Variants in FGGY observed in about 807,000 individuals in gnomAD.
FGGY encodes FGGY carbohydrate kinase domain-containing protein.
Under a neutral mutation model 71.3 loss-of-function variants are expected in FGGY, and 72 were observed. The observed-to-expected ratio is 1.01, with a 90% confidence interval of 0.84 to 1.23. The LOEUF (loss-of-function observed/expected upper bound fraction) is 1.23. Among genes scored for constraint, FGGY ranks in the 50% most tolerant of loss-of-function variants. The probability of loss-of-function intolerance (pLI) is 0.00; values close to 1 mark genes in which losing one functional copy is unlikely to be tolerated. For missense variants in FGGY, 668 were observed against 682.3 expected (o/e 0.98, Z 0.23); for synonymous variants, 251 against 250.3 (o/e 1.00, Z -0.02).
At chr1:59,430,806 T>C (rs1029678689) in intron 5 of FGGY, among the ~76,000 whole-genome samples, 3 of 152,174 alleles carry the variant, frequency 2.0e-5, no homozygotes, top group Non-Finnish European at 2.9e-5. Flanking sequence ...CAGTAATGAC[T>C]TATCTGAATA....
At chr1:59,403,557 G>A (rs912268646) in intron 5 of FGGY, among the ~76,000 whole-genome samples, 2 of 152,114 alleles carry the variant, frequency 1.3e-5, no homozygotes, top group African/African-American at 2.4e-5. Context: ...GACTGAACTC[G>A]GACTTGAAGG....
chr1:59,759,416 C>T (rs975866500), intron 15 of FGGY, among the ~76,000 whole-genome samples: 1 of 152,190 alleles, frequency 6.6e-6, no homozygotes, highest in African/African-American at 2.4e-5. Flanking sequence ...GCTGCTGTCC[C>T]TGTTTCTGTT....
intron 7 of FGGY, among the ~76,000 whole-genome samples, chr1:59,552,878 T>C (rs542973977): frequency 5.9e-5 from 9 of 152,186 alleles, no homozygotes; most frequent in Non-Finnish European, 4.4e-5. Context: ...GGGCTATGCA[T>C]GTAAGTAAGA....
chr1:59,520,483 T>C (rs537979680), intron 7 of FGGY, among the ~76,000 whole-genome samples: 3 of 152,284 alleles, frequency 2.0e-5, no homozygotes, highest in Admixed American at 6.5e-5. Flanking sequence ...TCTCCAAATT[T>C]AATCCATTCT....
At chr1:59,540,091 G>C (rs879410497) in intron 7 of FGGY, among the ~76,000 whole-genome samples, 1 of 152,154 alleles carries the variant, frequency 6.6e-6, no homozygotes, top group African/African-American at 2.4e-5. Context: ...CTGCAGGTTG[G>C]CTAAAATCAA....
chr1:59,506,504 ATAT>A (rs1168290016), intron 6 of FGGY, among the ~76,000 whole-genome samples: 5 of 152,182 alleles, frequency 3.3e-5, no homozygotes, highest in African/African-American at 1.2e-4. Flanking sequence ...ATCTTTTAAA[ATAT>A]TATACAAGAG....
At chr1:59,389,466 A>G (rs2060453755) in intron 5 of FGGY, among the ~76,000 whole-genome samples, 1 of 152,132 alleles carries the variant, frequency 6.6e-6, no homozygotes, top group Non-Finnish European at 1.5e-5. Context: ...TTGTCCATTC[A>G]TCTTGTCCAA....
intron 6 of FGGY, among the ~76,000 whole-genome samples, chr1:59,487,780 C>A (rs1376033859): frequency 6.6e-6 from 1 of 152,108 alleles, no homozygotes; most frequent in Non-Finnish European, 1.5e-5. Context: ...CCTCTAAATG[C>A]TCTTCTCACC....
chr1:59,612,540 A>C (rs1034471510), intron 9 of FGGY, among the ~76,000 whole-genome samples: 8 of 152,176 alleles, frequency 5.3e-5, no homozygotes, highest in Admixed American at 2.6e-4. Flanking sequence ...CACTGCAAAA[A>C]CATGCCAAAT....
In FGGY at chr1:59,640,190, A is replaced by G. The variant is rs147055884; in HGVS notation, c.1221+1815A>G. On this transcript the variant is annotated intron_variant, in intron 11 of 15. Coordinates refer to ENST00000303721, the MANE Select transcript of FGGY (RefSeq NM_018291.5). ...ATAACTGTCCTTGGGTTAGGCTGCAATGGAACAGTTATCACTCCATGAATT... is the reference window on the plus strand; with the variant it reads ...ATAACTGTCCTTGGGTTAGGCTGCAGTGGAACAGTTATCACTCCATGAATT... 2.1e-3 allele frequency among the ~76,000 whole-genome samples: 315 copies of G among 152,296 alleles called. 1 individual carries two copies. The highest frequency in any genetic ancestry group is 7.0e-3 in the African/African-American group (292 of 41,548).
At chr1:59,718,579 A>G (rs555247167) in intron 14 of FGGY, among the ~76,000 whole-genome samples, 1 of 152,338 alleles carries the variant, frequency 6.6e-6, no homozygotes, top group East Asian at 1.9e-4. Flanking sequence ...GTGGCATAGC[A>G]GGCACACCCA....
intron 14 of FGGY, among the ~76,000 whole-genome samples, chr1:59,726,205 A>C (rs192796503): frequency 1.2e-4 from 18 of 152,214 alleles, no homozygotes; most frequent in East Asian, 9.6e-4. Flanking sequence ...GTTTTTATTT[A>C]ATCTGTTGAT....
At chr1:59,707,792 T>C (rs977531420) in intron 14 of FGGY, among the ~76,000 whole-genome samples, 8 of 152,210 alleles carry the variant, frequency 5.3e-5, no homozygotes, top group Non-Finnish European at 7.3e-5. Context: ...TCATGGACTC[T>C]TGACAAATGG....
chr1:59,433,012 T>C (rs1280952900), intron 5 of FGGY, among the ~76,000 whole-genome samples: 2 of 152,266 alleles, frequency 1.3e-5, no homozygotes, highest in East Asian at 1.9e-4. Context: ...TCAGAACTTC[T>C]TGAGGAAAAG....
At chr1:59,312,383 A>C (rs545560770) in intron 1 of FGGY, among the ~76,000 whole-genome samples, 1 of 152,312 alleles carries the variant, frequency 6.6e-6, no homozygotes, top group Non-Finnish European at 1.5e-5. Flanking sequence ...TCAACATTTC[A>C]GTTTCCTCAT....
At chr1:59,547,464 G>A (rs1395995608) in intron 7 of FGGY, among the ~76,000 whole-genome samples, 1 of 152,164 alleles carries the variant, frequency 6.6e-6, no homozygotes, top group East Asian at 1.9e-4. Context: ...TAGAATTAGA[G>A]TCAGGTAGAT....
chr1:59,401,480 A>G (rs1187383197), intron 5 of FGGY, among the ~76,000 whole-genome samples: 2 of 152,234 alleles, frequency 1.3e-5, no homozygotes, highest in African/African-American at 4.8e-5. Context: ...TGCCAGAGAC[A>G]GACCAAAGAC....
intron 10 of FGGY, among the ~76,000 whole-genome samples, chr1:59,628,026 ATGT>A: frequency 6.6e-6 from 1 of 152,346 alleles, no homozygotes; most frequent in East Asian, 1.9e-4. Flanking sequence ...ACAGAGATAA[ATGT>A]TGTAGGCAAG....
At chr1:59,537,507 C>T (rs1045801169) in intron 7 of FGGY, among the ~76,000 whole-genome samples, 15 of 152,288 alleles carry the variant, frequency 9.8e-5, no homozygotes, top group Admixed American at 9.8e-4. Context: ...CTTTAAACTT[C>T]ATATGGAACC....
Sources: allele counts gnomAD v4.1 joint callset (sites outside exome capture counted in the v4.1 genomes callset), GRCh38; gene constraint gnomAD v4.1.1; transcripts MANE v1.5; gene names NCBI Gene and HGNC (gene_info 2026-07-23, HGNC 2026-07-21).